Variants in DYNLT2 observed in about 807,000 individuals in gnomAD.
DYNLT2 encodes dynein light chain Tctex-type 2.
Under a neutral mutation model 24.3 loss-of-function variants are expected in DYNLT2, and 24 were observed. The ratio of observed to expected loss-of-function variants is 0.99; its 90% CI spans 0.71 to 1.39. The LOEUF is 1.39. Among genes scored for constraint, DYNLT2 ranks in the 40% most tolerant of loss-of-function variants. The pLI, the probability that DYNLT2 is intolerant of heterozygous loss-of-function variation, is 0.00. For synonymous variants in DYNLT2, 85 were observed against 85.4 expected, an observed-to-expected ratio of 1.00 and a Z score of 0.03; for missense variants, 246 against 234.5, an observed-to-expected ratio of 1.05 and a Z score of -0.32.
the DYNLT2 span, among the ~76,000 whole-genome samples, chr6:169,732,757 G>GT: frequency 6.6e-6 from 1 of 152,162 alleles, no homozygotes; most frequent in South Asian, 2.1e-4. Context: ...ATGTGCATGT[G>GT]TCTTCATAGT....
At chr6:169,751,082 C>T (rs781000900) in intron 1 of DYNLT2, 1 of 415,900 alleles carries the variant, frequency 2.4e-6, no homozygotes, top group Non-Finnish European at 4.2e-6. Context: ...GATCTTGTAA[C>T]CACCCTTCCA....
rs763007135 is a variant in DYNLT2, at chr6:169,751,495, T to A, written c.-37A>T. ...CTCCAAGACGCCCACCGCCTCCCCTTCACCGCCGGCGGTCAAACGCCCTAG... is the reference window on the plus strand; with the variant it reads ...CTCCAAGACGCCCACCGCCTCCCCTACACCGCCGGCGGTCAAACGCCCTAG... On this transcript the variant is annotated 5_prime_UTR_variant, in exon 1 of 4. Coordinates refer to ENST00000366774, the MANE Select transcript of DYNLT2 (RefSeq NM_174910.3). 12 of 1,610,650 alleles carry A rather than the reference T, an allele frequency of 7.5e-6. No homozygotes were observed. In the South Asian group the frequency reaches 1.3e-4, roughly 18 times the overall value.
the DYNLT2 span, among the ~76,000 whole-genome samples, chr6:169,727,032 G>T: frequency 6.6e-6 from 1 of 152,230 alleles, no homozygotes; most frequent in African/African-American, 2.4e-5. Context: ...ACTGTAAACT[G>T]AAAGGAGAGA....
At chr6:169,734,195 T>A in the DYNLT2 span, among the ~76,000 whole-genome samples, 2 of 152,202 alleles carry the variant, frequency 1.3e-5, no homozygotes, top group Non-Finnish European at 2.9e-5. Flanking sequence ...TGAGATGATG[T>A]GGTTTTCTAA....
downstream of DYNLT2, among the ~76,000 whole-genome samples, chr6:169,736,952 A>G (rs368088566): frequency 2.4e-4 from 36 of 151,088 alleles, no homozygotes; most frequent in African/African-American, 7.3e-4. Flanking sequence ...TGCTACTCCA[A>G]TCAATCGTAG....
At chr6:169,728,626 ACT>A in the DYNLT2 span, among the ~76,000 whole-genome samples, 1 of 152,212 alleles carries the variant, frequency 6.6e-6, no homozygotes, top group East Asian at 1.9e-4. Flanking sequence ...AACATCAAAA[ACT>A]CTGTTACTGC....
the DYNLT2 span, among the ~76,000 whole-genome samples, chr6:169,728,183 T>C: frequency 6.6e-6 from 1 of 152,260 alleles, no homozygotes; most frequent in African/African-American, 2.4e-5. Context: ...GACAAAGAAA[T>C]TGAAGTCTGT....
intron 1 of DYNLT2, chr6:169,749,509 G>A (rs914813602): frequency 2.0e-5 from 3 of 152,200 alleles, no homozygotes; most frequent in Non-Finnish European, 4.4e-5. Context: ...GAACTCATTC[G>A]TGTTAAGCCA....
At chr6:169,733,015 T>G in the DYNLT2 span, among the ~76,000 whole-genome samples, 1 of 152,246 alleles carries the variant, frequency 6.6e-6, no homozygotes. Flanking sequence ...TGGTTTTGAT[T>G]TGCATTTCTT....
downstream of DYNLT2, among the ~76,000 whole-genome samples, chr6:169,739,403 A>G (rs1025834685): frequency 5.9e-5 from 9 of 152,028 alleles, no homozygotes; most frequent in African/African-American, 1.5e-4. Flanking sequence ...TCCAGCCCCA[A>G]TCTTAAGGAG....
At chr6:169,747,846 C>G (rs908182879) in intron 1 of DYNLT2, among the ~76,000 whole-genome samples, 2 of 152,168 alleles carry the variant, frequency 1.3e-5, no homozygotes, top group African/African-American at 4.8e-5. Flanking sequence ...AAAGACCAGA[C>G]AGTGTGAATT....
At chr6:169,729,634 GC>G in the DYNLT2 span, among the ~76,000 whole-genome samples, 1 of 152,170 alleles carries the variant, frequency 6.6e-6, no homozygotes, top group Non-Finnish European at 1.5e-5. Context: ...ATAAATTGAA[GC>G]CCTAATCCCC....
chr6:169,735,624 T>C (rs1294671845), downstream of DYNLT2, among the ~76,000 whole-genome samples: 2 of 152,228 alleles, frequency 1.3e-5, no homozygotes, highest in Non-Finnish European at 2.9e-5. Flanking sequence ...GAGTTCTAAT[T>C]TGATTGCACT....
intron 1 of DYNLT2, among the ~76,000 whole-genome samples, chr6:169,746,195 C>T (rs1346491517): frequency 6.6e-6 from 1 of 152,086 alleles, no homozygotes; most frequent in Non-Finnish European, 1.5e-5. Context: ...TTTTATTGAT[C>T]TTTTCAAAGA....
At chr6:169,732,558 G>C in the DYNLT2 span, among the ~76,000 whole-genome samples, 1 of 152,208 alleles carries the variant, frequency 6.6e-6, no homozygotes, top group East Asian at 1.9e-4. Flanking sequence ...TCCTGTGTTA[G>C]TTTGCTGAGG....
chr6:169,731,467 T>C, the DYNLT2 span, among the ~76,000 whole-genome samples: 1 of 152,154 alleles, frequency 6.6e-6, no homozygotes, highest in Non-Finnish European at 1.5e-5. Context: ...AATAGGCCCA[T>C]TGGGTTTTCT....
In DYNLT2 at chr6:169,750,883, T is replaced by C. The variant is rs138306036; in HGVS notation, c.120+456A>G. On this transcript the variant is annotated intron_variant, in intron 1 of 3. Transcript: ENST00000366774. ...TCAAATATCCAGACTGCTGATGTTT[T>C]AAAAACCCAAAACATGGCACTATTC... 1,160 of 152,960 alleles carry C rather than the reference T, an allele frequency of 7.6e-3. 9 individuals carry two copies. The highest frequency in any genetic ancestry group is 0.012 in the African/African-American group (480 of 41,586). 9.5% of individuals were successfully genotyped at this position (152,960 alleles called of 1,614,324 possible).
chr6:169,742,309 G>A (rs1789695943), intron 3 of DYNLT2, among the ~76,000 whole-genome samples: 2 of 152,180 alleles, frequency 1.3e-5, no homozygotes, highest in Admixed American at 6.5e-5. Context: ...GCCAGCAAGT[G>A]TGGCAGAGGC....
At chr6:169,732,375 T>C in the DYNLT2 span, among the ~76,000 whole-genome samples, 215 of 152,338 alleles carry the variant, frequency 1.4e-3, no homozygotes, top group African/African-American at 4.8e-3. Context: ...ATTTGTTACA[T>C]AGGTATACAT....
Sources: gnomAD v4.1 joint callset for allele counts (sites outside exome capture counted in the v4.1 genomes callset) on GRCh38, gnomAD v4.1.1 for gene constraint, MANE v1.5 for transcripts, NCBI Gene and HGNC (gene_info 2026-07-23, HGNC 2026-07-21) for gene names.